The following AGO3 variants were observed in gnomAD, a reference collection of about 807,000 sequenced individuals.
AGO3 encodes the protein protein argonaute-3.
AGO3 carries 16 observed loss-of-function variants against 105.5 expected under a neutral mutation model. The observed-to-expected ratio is 0.15, with a 90% CI of 0.10 to 0.23. AGO3 has a LOEUF of 0.23. Ranked by LOEUF, AGO3 falls within the 10% of genes least tolerant of loss-of-function variation. AGO3 has a pLI of 1.00. For synonymous variants in AGO3, 340 were observed against 367.3 expected (o/e 0.93, Z 0.85); for missense variants, 534 against 1,088.0 (o/e 0.49, Z 7.16).
Position 36,071,653 on chromosome 1 carries a change from G to C in AGO3, c.*15908G>C, listed in dbSNP as rs1386189156. 6.6e-6 allele frequency: 1 copy of C among 152,068 alleles called. No homozygotes were observed. Among genetic ancestry groups the C allele is most frequent in the Non-Finnish European group, 1.5e-5 (1 of 67,996 alleles). The allele number at this position is 152,068 out of a possible 1,614,324, so 9.4% of individuals were successfully genotyped here. On this transcript the variant is annotated 3_prime_UTR_variant, in exon 19 of 19. Coordinates refer to ENST00000373191, the MANE Select transcript of AGO3 (RefSeq NM_024852.4). ...GTTGTTGTTGGCTTTTCATAAGTAAGAAAAATTTATTGTAGTATTTCAAGA... is the reference window on the plus strand; with the variant it reads ...GTTGTTGTTGGCTTTTCATAAGTAACAAAAATTTATTGTAGTATTTCAAGA...
At chr1:35,992,998 G>C (rs1647828238) in intron 5 of AGO3, among the ~76,000 whole-genome samples, 1 of 152,188 alleles carries the variant, frequency 6.6e-6, no homozygotes, top group Non-Finnish European at 1.5e-5. Context: ...CAACATTGTG[G>C]CTGGCTTCCT....
chr1:35,967,991 T>C (rs942435080), intron 3 of AGO3, among the ~76,000 whole-genome samples: 1 of 152,192 alleles, frequency 6.6e-6, no homozygotes, highest in African/African-American at 2.4e-5. Flanking sequence ...CGGTAAATTA[T>C]TTTGTAGAAT....
chr1:36,002,798 A>G (rs1253551760), intron 5 of AGO3, among the ~76,000 whole-genome samples: 1 of 146,162 alleles, frequency 6.8e-6, no homozygotes, highest in African/African-American at 2.5e-5. Context: ...TCCCCACATA[A>G]AAAGTTTACG....
intron 17 of AGO3, among the ~76,000 whole-genome samples, chr1:36,054,229 T>C (rs554864338): frequency 6.6e-6 from 1 of 152,330 alleles, no homozygotes; most frequent in East Asian, 1.9e-4. Flanking sequence ...AACTGTTCTT[T>C]ATACATCTTC....
chr1:35,966,005 A>G (rs1646768170), intron 2 of AGO3, among the ~76,000 whole-genome samples: 1 of 151,842 alleles, frequency 6.6e-6, no homozygotes, highest in South Asian at 2.1e-4. Flanking sequence ...TTGAATTTTT[A>G]GTAGAGACAG....
At position 35,990,689 on chromosome 1, in the gene AGO3, C is replaced by T. The variant is rs188380351; in HGVS notation, c.659-13652C>T. On this transcript the variant is annotated intron_variant, in intron 5 of 18. Transcript: ENST00000373191. ...CACACTGCTGCTTTTGCAAGGAAAA[C>T]ATTTCTAGTAAATAAAAATTTCTAG... Among the ~76,000 whole-genome samples the T allele has an allele frequency of 1.5e-3, 233 of 152,184 alleles. 1 individual carries two copies. Among genetic ancestry groups the T allele is most frequent in the African/African-American group, 5.2e-3 (217 of 41,522 alleles).
rs550265317 is a variant in AGO3, at chr1:35,989,099, C to A, written c.659-15242C>A. ...TAATAAGTACTGTAAAGGAAAATAC[C>A]AAGTGCAATGGAAGCATAAAAGGGA... On this transcript the variant is annotated intron_variant, in intron 5 of 18. Transcript: ENST00000373191. Among the ~76,000 whole-genome samples the A allele has an allele frequency of 7.2e-5, 11 of 152,204 alleles. No individual in the cohort carries two copies. The South Asian group carries it at 1.9e-3, about 26-fold the overall frequency.
intron 17 of AGO3, 25 bp from the exon 18 acceptor site, chr1:36,054,921 G>A (rs1336892777): frequency 3.7e-6 from 6 of 1,604,998 alleles, no homozygotes; most frequent in South Asian, 3.3e-5. Context: ...AAATTCAACA[G>A]TGTATGTCAT....
chr1:35,953,397 G>A (rs1646509007), intron 2 of AGO3, among the ~76,000 whole-genome samples: 1 of 152,132 alleles, frequency 6.6e-6, no homozygotes, highest in African/African-American at 2.4e-5. Flanking sequence ...TCATCCTAGT[G>A]GATGTGAAGT....
chr1:36,033,303 C>T (rs191540068), intron 12 of AGO3, among the ~76,000 whole-genome samples: 1 of 151,310 alleles, frequency 6.6e-6, no homozygotes, highest in Non-Finnish European at 1.5e-5. Context: ...CGCCACTGCA[C>T]TCTACCCTGG....
At chr1:36,044,354 TA>T (rs973266385) in intron 17 of AGO3, among the ~76,000 whole-genome samples, 1 of 151,654 alleles carries the variant, frequency 6.6e-6, no homozygotes, top group African/African-American at 2.4e-5. Context: ...TCTCAAAAAA[TA>T]AAAAAAAATT....
chr1:35,944,350 A>G (rs933609301), intron 1 of AGO3, among the ~76,000 whole-genome samples: 3 of 151,974 alleles, frequency 2.0e-5, no homozygotes, highest in Admixed American at 6.6e-5. Context: ...GTGCCTGGCT[A>G]TATAGTACTT....
intron 14 of AGO3, among the ~76,000 whole-genome samples, chr1:36,036,930 G>T (rs574791888): frequency 6.6e-6 from 1 of 151,828 alleles, no homozygotes; most frequent in Non-Finnish European, 1.5e-5. Context: ...TCCTGATCTC[G>T]GTCAGTCCAC....
chr1:36,006,897 G>A (rs947989242), intron 6 of AGO3, among the ~76,000 whole-genome samples: 2 of 152,110 alleles, frequency 1.3e-5, no homozygotes, highest in African/African-American at 4.8e-5. Flanking sequence ...TTTGTGTTTG[G>A]TACTAATTTT....
intron 2 of AGO3, among the ~76,000 whole-genome samples, chr1:35,956,195 A>G (rs1646562190): frequency 1.3e-5 from 2 of 152,326 alleles, no homozygotes; most frequent in Non-Finnish European, 2.9e-5. Context: ...GAAGATTTAG[A>G]AAAAGAATGA....
At chr1:35,981,678 T>G (rs1647055528) in intron 5 of AGO3, among the ~76,000 whole-genome samples, 1 of 152,236 alleles carries the variant, frequency 6.6e-6, no homozygotes, top group Non-Finnish European at 1.5e-5. Context: ...ATGCCTCACT[T>G]GTAAAAGGGT....
intron 5 of AGO3, among the ~76,000 whole-genome samples, chr1:35,976,763 C>G (rs1646963166): frequency 6.6e-6 from 1 of 152,060 alleles, no homozygotes; most frequent in African/African-American, 2.4e-5. Context: ...TTAATTGATG[C>G]TGGATTCTGT....
chr1:35,936,703 A>G (rs546252178), intron 1 of AGO3, among the ~76,000 whole-genome samples: 28 of 152,292 alleles, frequency 1.8e-4, no homozygotes, highest in African/African-American at 6.3e-4. Flanking sequence ...AGAACGTGGT[A>G]TCTACAGTCT....
intron 12 of AGO3, among the ~76,000 whole-genome samples, chr1:36,029,103 T>C (rs1641647477): frequency 6.6e-6 from 1 of 152,182 alleles, no homozygotes; most frequent in Non-Finnish European, 1.5e-5. Flanking sequence ...CTAATCCATA[T>C]ATAGGGTTGT....
Sources: allele counts gnomAD v4.1 joint callset (sites outside exome capture counted in the v4.1 genomes callset), GRCh38; gene constraint gnomAD v4.1.1; transcripts MANE v1.5; gene names NCBI Gene and HGNC (gene_info 2026-07-23, HGNC 2026-07-21).